The following AVEN variants were observed in gnomAD, a reference collection of about 807,000 sequenced individuals.
The protein encoded by AVEN is apoptosis and caspase activation inhibitor.
Under a neutral mutation model 38.1 loss-of-function variants are expected in AVEN, and 41 were observed. The ratio of observed to expected loss-of-function variants is 1.08; its 90% CI spans 0.84 to 1.40. AVEN has a LOEUF of 1.40. Among genes scored for constraint, AVEN ranks in the 40% most tolerant of loss-of-function variants. The pLI is 0.00. For missense variants in AVEN, 605 were observed against 438.8 expected (o/e 1.38, Z -3.38); for synonymous variants, 206 against 171.8 (o/e 1.20, Z -1.56).
chr15:33,955,504 A>G (rs1894920242), intron 2 of AVEN, among the ~76,000 whole-genome samples: 1 of 152,232 alleles, frequency 6.6e-6, no homozygotes, highest in Non-Finnish European at 1.5e-5. Flanking sequence ...CCTAGACCAA[A>G]AGGTATCTCA....
intron 2 of AVEN, among the ~76,000 whole-genome samples, chr15:33,911,839 G>A (rs955265312): frequency 2.0e-5 from 3 of 152,144 alleles, no homozygotes; most frequent in Non-Finnish European, 4.4e-5. Context: ...GACTTATACC[G>A]TTCCTTTGCT....
intron 2 of AVEN, among the ~76,000 whole-genome samples, chr15:33,918,335 T>A (rs908322088): frequency 6.6e-6 from 1 of 152,080 alleles, no homozygotes; most frequent in Non-Finnish European, 1.5e-5. Context: ...ATCAAACTAA[T>A]AATAGGAACC....
chr15:33,990,163 C>T (rs542241568), intron 2 of AVEN, among the ~76,000 whole-genome samples: 1 of 151,838 alleles, frequency 6.6e-6, no homozygotes, highest in East Asian at 1.9e-4. Flanking sequence ...GAGATTGCAT[C>T]GTTGCAATCC....
intron 2 of AVEN, among the ~76,000 whole-genome samples, chr15:33,983,245 C>T (rs1451778831): frequency 1.5e-5 from 2 of 129,142 alleles, no homozygotes; most frequent in African/African-American, 7.2e-5. Flanking sequence ...CACACACACA[C>T]ATATATATGG....
intron 2 of AVEN, among the ~76,000 whole-genome samples, chr15:33,895,923 GC>G (rs1224486790): frequency 3.3e-5 from 5 of 152,122 alleles, no homozygotes; most frequent in Non-Finnish European, 7.4e-5. Context: ...CACAAAGTCT[GC>G]CCCCTAATTC....
At chr15:34,015,030 C>A (rs1386133404) in intron 1 of AVEN, among the ~76,000 whole-genome samples, 1 of 152,096 alleles carries the variant, frequency 6.6e-6, no homozygotes, top group African/African-American at 2.4e-5. Flanking sequence ...ACTCTAGAGT[C>A]CTGAAGCCTG....
intron 2 of AVEN, among the ~76,000 whole-genome samples, chr15:33,926,002 G>T (rs1405463422): frequency 6.6e-6 from 1 of 152,154 alleles, no homozygotes; most frequent in East Asian, 1.9e-4. Flanking sequence ...AACCATGTAT[G>T]TGCTGTTTTT....
chr15:33,929,423 T>C (rs1343290529), intron 2 of AVEN, among the ~76,000 whole-genome samples: 1 of 152,210 alleles, frequency 6.6e-6, no homozygotes, highest in Non-Finnish European at 1.5e-5. Context: ...TTTCAACTGA[T>C]AGGACTAGGG....
In AVEN at chr15:33,948,374, C is replaced by A. The variant is rs566844921; in HGVS notation, c.445+54658G>T. Among the ~76,000 whole-genome samples, 54 of 152,070 alleles carry A rather than the reference C, an allele frequency of 3.6e-4. 1 individual carries two copies. The South Asian group carries it at 0.01, about 29-fold the overall frequency. On this transcript the variant is annotated intron_variant, in intron 2 of 5. Transcript: ENST00000306730. ...CCTCCCAAAGTGCTGGGATTACAGG[C>A]GTGAGCCACCACGCCCAGCCTATTT...
intron 2 of AVEN, among the ~76,000 whole-genome samples, chr15:33,885,994 AG>A (rs1268623727): frequency 2.0e-5 from 3 of 152,210 alleles, no homozygotes; most frequent in African/African-American, 7.2e-5. Flanking sequence ...TGAATAAATA[AG>A]GGAATACAAA....
At chr15:33,971,668 T>C (rs1895644509) in intron 2 of AVEN, among the ~76,000 whole-genome samples, 1 of 152,138 alleles carries the variant, frequency 6.6e-6, no homozygotes, top group Non-Finnish European at 1.5e-5. Flanking sequence ...ATTAAATATA[T>C]ATTTACTTAT....
chr15:34,024,771 G>A (rs1597365046), intron 1 of AVEN, among the ~76,000 whole-genome samples: 1 of 151,384 alleles, frequency 6.6e-6, no homozygotes, highest in East Asian at 2.0e-4. Context: ...TGAGGCAGGA[G>A]AATAGCTTGA....
chr15:33,884,455 G>A (rs987027911), intron 2 of AVEN, among the ~76,000 whole-genome samples: 2 of 152,096 alleles, frequency 1.3e-5, no homozygotes, highest in Non-Finnish European at 2.9e-5. Context: ...TAGTATTAGT[G>A]AAATAAAGGT....
chr15:33,867,584 G>C lies in AVEN; in HGVS notation c.884C>G (p.Pro295Arg), dbSNP rs373886525. The C allele has an allele frequency of 1.2e-5, 19 of 1,614,078 alleles. No homozygotes were observed. The highest frequency in any genetic ancestry group is 4.5e-5 in the East Asian group (2 of 44,894). The change falls in exon 5 of 6, where the codon CCT becomes CGT. Residue 295 changes from proline (P) to arginine (R), a missense_variant. Pro to Arg is a moderately radical substitution (Grantham distance 103, BLOSUM62 -2). Coordinates refer to ENST00000306730, the MANE Select transcript of AVEN (RefSeq NM_020371.3). ...ELDLLLNLDA[P>R]IKEGDNILPD... ...TAAGATGTTATCTCCCTCTTTTATA[G>C]GTGCATCTAAATTAAGCAACAGATC...
At chr15:33,923,858 G>T (rs1893505115) in intron 2 of AVEN, among the ~76,000 whole-genome samples, 1 of 151,342 alleles carries the variant, frequency 6.6e-6, no homozygotes, top group African/African-American at 2.4e-5. Context: ...AGGGATCCAG[G>T]TTGCTACTCC....
At chr15:33,985,012 C>T (rs933630479) in intron 2 of AVEN, among the ~76,000 whole-genome samples, 14 of 152,198 alleles carry the variant, frequency 9.2e-5, no homozygotes, top group African/African-American at 3.1e-4. Context: ...ACCAGCTGAA[C>T]CTTTCCTGGG....
chr15:33,970,915 G>C (rs1384229720), intron 2 of AVEN, among the ~76,000 whole-genome samples: 1 of 151,870 alleles, frequency 6.6e-6, no homozygotes, highest in Non-Finnish European at 1.5e-5. Context: ...GTCCTTGTCA[G>C]CATCAATCCC....
At chr15:33,987,210 G>A (rs1254416047) in intron 2 of AVEN, among the ~76,000 whole-genome samples, 3 of 152,160 alleles carry the variant, frequency 2.0e-5, no homozygotes, top group African/African-American at 7.2e-5. Flanking sequence ...ATATGACAGT[G>A]ACTAAGAATG....
In AVEN at chr15:33,859,794, A is replaced by G; in HGVS notation, n.2730-700T>C. The G allele has an allele frequency of 8.7e-6, 13 of 1,489,148 alleles. No homozygotes were observed. In the South Asian group the frequency reaches 1.1e-4, roughly 13 times the overall value. The allele number at this position is 1,489,148 out of a possible 1,614,324, so 92.2% of individuals were successfully genotyped here. On this transcript the variant is annotated intron_variant and non_coding_transcript_variant, in intron 11 of 11. Coordinates refer to the AVEN transcript ENST00000675287. ...AATCTAGTTCTTTTTGCTTTCTTCC[A>G]TCTATGACTTAATTGGTTTATGAAG...
Sources: gnomAD v4.1 joint callset for allele counts (sites outside exome capture counted in the v4.1 genomes callset) on GRCh38, gnomAD v4.1.1 for gene constraint, MANE v1.5 for transcripts, NCBI Gene and HGNC (gene_info 2026-07-23, HGNC 2026-07-21) for gene names.